Variants in SMIM21 observed in about 807,000 individuals in gnomAD.
SMIM21 encodes the protein chromosome 18 open reading frame 62.
A neutral mutation model predicts 8.6 loss-of-function variants in SMIM21; 8 were observed. That is an observed-to-expected ratio of 0.93 (90% CI 0.55 to 1.68). The LOEUF (loss-of-function observed/expected upper bound fraction) is 1.68, where lower values mean the gene tolerates loss of function less well. Among genes scored for constraint, SMIM21 ranks in the 40% most tolerant of loss-of-function variants. SMIM21 has a pLI of 0.00. For synonymous variants in SMIM21, 43 were observed against 41.7 expected (o/e 1.03, Z -0.12); for missense variants, 132 against 123.0 (o/e 1.07, Z -0.35).
chr18:75,426,041 C>A (rs1488300442), intron 1 of SMIM21, among the ~76,000 whole-genome samples: 1 of 152,038 alleles, frequency 6.6e-6, no homozygotes, highest in Non-Finnish European at 1.5e-5. Context: ...GAGTCATGCA[C>A]CCCATCACAG....
At chr18:75,425,440 A>G (rs373407615) in intron 1 of SMIM21, among the ~76,000 whole-genome samples, 127 of 152,364 alleles carry the variant, frequency 8.3e-4, no homozygotes, top group South Asian at 1.9e-3. Context: ...TTATAGTTTC[A>G]TGCCCTGTAT....
At chr18:75,414,438 G>T (rs962664812) in intron 2 of SMIM21, among the ~76,000 whole-genome samples, 1 of 152,028 alleles carries the variant, frequency 6.6e-6, no homozygotes, top group South Asian at 2.1e-4. Context: ...CATGCCTGCC[G>T]GCTTCCTACT....
chr18:75,416,578 T>A (rs1466691681), intron 2 of SMIM21: 2 of 152,248 alleles, frequency 1.3e-5, no homozygotes, highest in African/African-American at 2.4e-5. Context: ...TCCTCCATCT[T>A]TTCTTCCAGT....
intron 1 of SMIM21, among the ~76,000 whole-genome samples, chr18:75,420,796 G>A (rs758240173): frequency 6.6e-6 from 1 of 152,150 alleles, no homozygotes; most frequent in Non-Finnish European, 1.5e-5. Context: ...AGAAATATTG[G>A]GAGCTTTCCT....
At position 75,409,659 on chromosome 18, in the gene SMIM21, C is replaced by CTTG. The variant is rs2024561318; in HGVS notation, c.*1204_*1205insCAA. Reference sequence around the variant, plus strand: ...GACTGTTCCATCGGTGACAAGAACTCTGTGTGTGTGTGTGTGTGTGTATGT... The same window carrying CTTG: ...GACTGTTCCATCGGTGACAAGAACTCTTGTGTGTGTGTGTGTGTGTGTGTATGT... On this transcript the variant is annotated 3_prime_UTR_variant, in exon 3 of 3. Coordinates refer to ENST00000579022, the MANE Select transcript of SMIM21 (RefSeq NM_001037331.3). The CTTG allele has an allele frequency of 6.7e-6, 1 of 149,712 alleles. No homozygotes were observed. Among genetic ancestry groups the CTTG allele is most frequent in the Non-Finnish European group, 1.5e-5 (1 of 67,426 alleles). The allele number at this position is 149,712 out of a possible 1,614,324, so 9.3% of individuals were successfully genotyped here.
intron 1 of SMIM21, among the ~76,000 whole-genome samples, chr18:75,422,525 C>A (rs943495902): frequency 8.5e-5 from 13 of 152,110 alleles, no homozygotes; most frequent in Non-Finnish European, 1.8e-4. Context: ...GTGTTCAGAG[C>A]AGCATGACTC....
rs1021638083 is a variant in SMIM21, at chr18:75,410,624, G to A, written c.*240C>T. 1 of 1,075,686 alleles carries A rather than the reference G, an allele frequency of 9.3e-7. No homozygotes were observed. The highest frequency in any genetic ancestry group is 1.6e-5 in the African/African-American group (1 of 62,350). 66.6% of individuals were successfully genotyped at this position (1,075,686 alleles called of 1,614,324 possible). On this transcript the variant is annotated 3_prime_UTR_variant, in exon 3 of 3. Coordinates refer to ENST00000579022, the MANE Select transcript of SMIM21 (RefSeq NM_001037331.3). ...AGGGCAGATTTCGCAGGGTTGGGTG[G>A]CATCTGCAGCTCTCCTCCGGAATAT...
Position 75,418,849 on chromosome 18 carries a change from C to G in SMIM21, c.197G>C (p.Arg66Thr), listed in dbSNP as rs141300758. ...LVLFHVMVLL[R>T]NHSRIQGVSE... ...AACCCCTTGTATCCTGCTATGATTCCTCAGCAACACCATCACATGGAAAAG... is the reference window on the plus strand; with the variant it reads ...AACCCCTTGTATCCTGCTATGATTCGTCAGCAACACCATCACATGGAAAAG... Residue 66 changes from arginine to threonine, a missense_variant, in exon 2 of 3, where the codon AGG becomes ACG. By Grantham distance (71) the Arg-to-Thr change is moderately conservative (BLOSUM62 -1). Transcript: ENST00000579022. 7.3e-5 allele frequency: 118 copies of G among 1,611,478 alleles called. No homozygotes were observed. Among genetic ancestry groups the G allele is most frequent in the Admixed American group, 5.3e-4 (32 of 59,998 alleles).
intron 1 of SMIM21, among the ~76,000 whole-genome samples, chr18:75,426,321 T>C (rs920268209): frequency 2.6e-5 from 4 of 151,920 alleles, no homozygotes; most frequent in Non-Finnish European, 4.4e-5. Context: ...GTTTGTTTGT[T>C]TTTTGAGGGA....
At chr18:75,425,907 C>G (rs1402421244) in intron 1 of SMIM21, among the ~76,000 whole-genome samples, 1 of 152,134 alleles carries the variant, frequency 6.6e-6, no homozygotes, top group African/African-American at 2.4e-5. Context: ...GAGGTGGGGG[C>G]CCCTGCCTCT....
intron 1 of SMIM21, among the ~76,000 whole-genome samples, chr18:75,425,225 A>G (rs549428991): frequency 6.6e-6 from 1 of 152,278 alleles, no homozygotes; most frequent in Admixed American, 6.5e-5. Context: ...CCATCCAGAG[A>G]TATCTGGATT....
intron 1 of SMIM21, among the ~76,000 whole-genome samples, chr18:75,423,900 G>T (rs17057046): frequency 0.15 from 22,867 of 151,992 alleles, 2,017 homozygotes; most frequent in East Asian, 0.44. Context: ...GCAAAGACAC[G>T]GTCATTTTAG....
chr18:75,422,092 T>C (rs1205399079), intron 1 of SMIM21, among the ~76,000 whole-genome samples: 2 of 152,074 alleles, frequency 1.3e-5, no homozygotes, highest in Non-Finnish European at 2.9e-5. Context: ...CCCCCAGTAG[T>C]CCAGCCAAAG....
intron 2 of SMIM21, among the ~76,000 whole-genome samples, chr18:75,413,083 G>C (rs1385503220): frequency 6.6e-6 from 1 of 152,082 alleles, no homozygotes; most frequent in South Asian, 2.1e-4. Context: ...AGTCGCTGAG[G>C]TCCAGGCTCC....
At chr18:75,426,319 G>T (rs199920077) in intron 1 of SMIM21, among the ~76,000 whole-genome samples, 1 of 139,598 alleles carries the variant, frequency 7.2e-6, no homozygotes, top group East Asian at 2.1e-4. Flanking sequence ...TTGTTTGTTT[G>T]TTTTTTGAGG....
At chr18:75,424,342 G>T (rs1420399269) in intron 1 of SMIM21, among the ~76,000 whole-genome samples, 1 of 152,172 alleles carries the variant, frequency 6.6e-6, no homozygotes, top group Admixed American at 6.5e-5. Context: ...TTTTATGATT[G>T]CACATACAAG....
At chr18:75,414,152 A>G (rs1341155844) in intron 2 of SMIM21, among the ~76,000 whole-genome samples, 1 of 146,766 alleles carries the variant, frequency 6.8e-6, no homozygotes, top group Non-Finnish European at 1.5e-5. Flanking sequence ...GTCATTATCT[A>G]GCATGGCTAT....
At chr18:75,425,666 C>T (rs564237848) in intron 1 of SMIM21, among the ~76,000 whole-genome samples, 10 of 152,244 alleles carry the variant, frequency 6.6e-5, no homozygotes, top group African/African-American at 1.2e-4. Context: ...AAAAGACAGA[C>T]GAGGCTGCAT....
intron 1 of SMIM21, among the ~76,000 whole-genome samples, chr18:75,420,642 G>A (rs1187072039): frequency 6.6e-6 from 1 of 152,220 alleles, no homozygotes; most frequent in Non-Finnish European, 1.5e-5. Context: ...TGAGGAGTAA[G>A]TGATTAAAGA....
Sources: gnomAD v4.1 joint callset for allele counts (sites outside exome capture counted in the v4.1 genomes callset) on GRCh38, gnomAD v4.1.1 for gene constraint, MANE v1.5 for transcripts, NCBI Gene and HGNC (gene_info 2026-07-23, HGNC 2026-07-21) for gene names.